The following GARIN2 variants were observed in gnomAD, a reference collection of about 807,000 sequenced individuals.
GARIN2 encodes the protein golgi associated RAB2 interactor family member 2.
chr14:67,199,186 C>A, the GARIN2 span: 1 of 1,605,382 alleles, frequency 6.2e-7, no homozygotes. Flanking sequence ...GTAGTCAACA[C>A]CCACATGCCA....
At chr14:67,208,758 G>A in the GARIN2 span, among the ~76,000 whole-genome samples, 17 of 152,106 alleles carry the variant, frequency 1.1e-4, no homozygotes, top group Admixed American at 2.6e-4. Flanking sequence ...TTAGCCAGGC[G>A]CGGTGGCGGG....
the GARIN2 span, among the ~76,000 whole-genome samples, chr14:67,219,464 T>A: frequency 6.6e-6 from 1 of 152,204 alleles, no homozygotes; most frequent in African/African-American, 2.4e-5. Flanking sequence ...ATTGCTTTGG[T>A]CCTTTCTTGT....
the GARIN2 span, chr14:67,203,059 A>G: frequency 6.3e-7 from 1 of 1,594,410 alleles, no homozygotes; most frequent in Non-Finnish European, 8.5e-7. Context: ...CACACATTTC[A>G]TCATATAACG....
the GARIN2 span, among the ~76,000 whole-genome samples, chr14:67,191,920 C>A: frequency 6.6e-5 from 10 of 152,326 alleles, no homozygotes; most frequent in East Asian, 1.9e-3. Flanking sequence ...AACGTACAAC[C>A]TAATGTAGCT....
chr14:67,193,394 T>C, the GARIN2 span, among the ~76,000 whole-genome samples: 1 of 140,904 alleles, frequency 7.1e-6, no homozygotes, highest in Admixed American at 7.2e-5. Context: ...TATCTAGATA[T>C]ATCTAGATAT....
chr14:67,199,156 T>G, the GARIN2 span: 1 of 1,580,454 alleles, frequency 6.3e-7, no homozygotes, highest in Non-Finnish European at 8.7e-7. Flanking sequence ...CTGTGGGAAC[T>G]GTTTCTCCAG....
At chr14:67,205,319 A>G in the GARIN2 span, among the ~76,000 whole-genome samples, 1 of 152,186 alleles carries the variant, frequency 6.6e-6, no homozygotes, top group Non-Finnish European at 1.5e-5. Context: ...TTAGCCCAGC[A>G]TCAGAAATGG....
At chr14:67,197,628 C>T in the GARIN2 span, among the ~76,000 whole-genome samples, 1 of 152,224 alleles carries the variant, frequency 6.6e-6, no homozygotes, top group Non-Finnish European at 1.5e-5. Flanking sequence ...AGAGCTAAGC[C>T]TCAGTTATGG....
At chr14:67,194,776 G>A in the GARIN2 span, among the ~76,000 whole-genome samples, 1 of 152,190 alleles carries the variant, frequency 6.6e-6, no homozygotes, top group South Asian at 2.1e-4. Context: ...TCCTGCCTCA[G>A]TCTCTCGAGT....
chr14:67,191,996 A>G, the GARIN2 span, among the ~76,000 whole-genome samples: 2 of 152,192 alleles, frequency 1.3e-5, no homozygotes, highest in African/African-American at 4.8e-5. Context: ...AGGGGGAGAA[A>G]AAGTACTGGT....
At chr14:67,200,745 T>A in the GARIN2 span, among the ~76,000 whole-genome samples, 1 of 152,236 alleles carries the variant, frequency 6.6e-6, no homozygotes, top group Non-Finnish European at 1.5e-5. Flanking sequence ...TTATACATAC[T>A]TCTTTCCTAC....
the GARIN2 span, among the ~76,000 whole-genome samples, chr14:67,202,829 G>C: frequency 1.3e-5 from 2 of 152,158 alleles, no homozygotes; most frequent in African/African-American, 4.8e-5. Flanking sequence ...TCCTGGACTT[G>C]TACTTGGTAA....
At chr14:67,225,001 A>G in the GARIN2 span, 1 of 798,138 alleles carries the variant, frequency 1.3e-6, no homozygotes, top group Non-Finnish European at 1.9e-6. Flanking sequence ...ATTCAAAATA[A>G]GCTCTTTCTC....
At chr14:67,196,223 C>CTTTTTT in the GARIN2 span, among the ~76,000 whole-genome samples, 1 of 143,116 alleles carries the variant, frequency 7.0e-6, no homozygotes. Flanking sequence ...TTCTTTCTTT[C>CTTTTTT]TTTTTTTTTT....
At chr14:67,199,184 C>G in the GARIN2 span, 1 of 1,605,182 alleles carries the variant, frequency 6.2e-7, no homozygotes, top group Non-Finnish European at 8.5e-7. Flanking sequence ...CAGTAGTCAA[C>G]ACCCACATGC....
the GARIN2 span, chr14:67,208,067 C>T: frequency 1.5e-6 from 2 of 1,325,748 alleles, no homozygotes; most frequent in African/African-American, 2.9e-5. Context: ...CTAAGCCTCA[C>T]TCCCTCCTTA....
At chr14:67,225,400 T>C in the GARIN2 span, 2 of 541,824 alleles carry the variant, frequency 3.7e-6, no homozygotes, top group East Asian at 8.8e-5. Flanking sequence ...TGGAATGAAA[T>C]GTTAGGGGTT....
At chr14:67,223,877 A>C in the GARIN2 span, 1 of 985,796 alleles carries the variant, frequency 1.0e-6, no homozygotes, top group Non-Finnish European at 1.2e-6. Flanking sequence ...CCCCAAGAAA[A>C]GCAAAGACTG....
the GARIN2 span, chr14:67,204,981 A>T: frequency 6.3e-7 from 1 of 1,579,624 alleles, no homozygotes; most frequent in East Asian, 2.3e-5. Flanking sequence ...AAGTCATAGA[A>T]GTCAGAGAAG....
Sources: allele counts gnomAD v4.1 joint callset (sites outside exome capture counted in the v4.1 genomes callset), GRCh38; gene constraint gnomAD v4.1.1; transcripts MANE v1.5; gene names NCBI Gene and HGNC (gene_info 2026-07-23, HGNC 2026-07-21).